Variants in ATXN2 observed in about 807,000 individuals in gnomAD.
ATXN2 encodes ataxin-2.
ATXN2 carries 37 observed loss-of-function variants against 138.6 expected under a neutral mutation model. The observed-to-expected ratio is 0.27, with a 90% CI of 0.21 to 0.35. The LOEUF (loss-of-function observed/expected upper bound fraction) is 0.35. Ranked by LOEUF, ATXN2 falls within the 10% of genes least tolerant of loss-of-function variation. The probability of loss-of-function intolerance (pLI) is 1.00; values close to 1 mark genes in which losing one functional copy is unlikely to be tolerated. For synonymous variants in ATXN2, 549 were observed against 543.7 expected, an observed-to-expected ratio of 1.01 and a Z score of -0.13; for missense variants, 1,216 against 1,480.3, an observed-to-expected ratio of 0.82 and a Z score of 2.93.
chr12:111,598,634 G>A lies in ATXN2; in HGVS notation c.251+150C>T. ...GGCTGCGCCCACCGGCCGAGCCTCGGGGCTCAGGCCCGAGCGAGTCTCCCC... is the reference window on the plus strand; with the variant it reads ...GGCTGCGCCCACCGGCCGAGCCTCGAGGCTCAGGCCCGAGCGAGTCTCCCC... On this transcript the variant is annotated intron_variant, in intron 1 of 24. Transcript: ENST00000673436. This position sits in a 1 kb window ranked among gnomAD's most constrained non-coding sequence, Gnocchi z 4.5. 1 of 938,094 alleles carries A rather than the reference G, an allele frequency of 1.1e-6. No individual in the cohort carries two copies. The highest frequency in any genetic ancestry group is 1.3e-6 in the Non-Finnish European group (1 of 784,654). 58.1% of individuals were successfully genotyped at this position (938,094 alleles called of 1,614,324 possible). A position where few individuals can be genotyped will look rare whatever the true frequency, so the allele number is the denominator to read the frequency against.
chr12:111,454,714 C>T lies in ATXN2; in HGVS notation c.3271-869G>A, dbSNP rs781532128. 5 of 304,612 alleles carry T rather than the reference C, an allele frequency of 1.6e-5. No individual in the cohort carries two copies. The East Asian group carries it at 3.6e-4, about 22-fold the overall frequency. 18.9% of individuals were successfully genotyped at this position (304,612 alleles called of 1,614,324 possible). On this transcript the variant is annotated intron_variant, in intron 23 of 24. Coordinates refer to ENST00000673436, the MANE Select transcript of ATXN2 (RefSeq NM_001372574.1). ...AGCCTTGGATGAAATGCCGTTTTTA[C>T]TCTCACATATTCAAACGGGCACATG...
At chr12:111,510,691 G>T in intron 11 of ATXN2, 109 bp from the exon 12 acceptor site, 3 of 1,018,096 alleles carry the variant, frequency 2.9e-6, no homozygotes, top group Non-Finnish European at 2.9e-6. Flanking sequence ...GTCCTCTCTA[G>T]CCCTTACCCT....
rs755971028 is a variant in ATXN2, at chr12:111,516,257, C to T, written c.1272G>A (p.Pro424=). The T allele has an allele frequency of 4.5e-6, 7 of 1,565,680 alleles. No individual in the cohort carries two copies. Among genetic ancestry groups the T allele is most frequent in the Non-Finnish European group, 6.0e-6 (7 of 1,162,208 alleles). ...LPPRAATPTR[P]PSRPPSRPSR... is the part of the protein sequence containing the mutation. ...ATGGCCGCGAGGGGGGCCTGGAGGG[C>T]GGCCGTGTAGGGGTGGCTGCCCGAG... The change falls in exon 10 of 25, where the codon CCG becomes CCA. Residue 424 remains proline, a synonymous_variant. Transcript: ENST00000673436. This position sits in a 1 kb window ranked among gnomAD's most constrained non-coding sequence, Gnocchi z 5.0.
intron 21 of ATXN2, among the ~76,000 whole-genome samples, chr12:111,464,278 G>A (rs1026274907): frequency 2.0e-5 from 3 of 149,406 alleles, no homozygotes; most frequent in Non-Finnish European, 4.5e-5. Context: ...GTGTGTGTGT[G>A]TGTGTATAAA....
chr12:111,590,853 T>C (rs1268433904), intron 1 of ATXN2, among the ~76,000 whole-genome samples: 1 of 152,130 alleles, frequency 6.6e-6, no homozygotes, highest in Non-Finnish European at 1.5e-5. Context: ...GTATGCTCTT[T>C]ATGAGAATCT....
At chr12:111,478,880 G>A (rs111986425) in intron 18 of ATXN2, among the ~76,000 whole-genome samples, 14 of 151,088 alleles carry the variant, frequency 9.3e-5, no homozygotes, top group African/African-American at 2.9e-4. Context: ...ATGGTGGTGC[G>A]CGCCTGTAAT....
intron 1 of ATXN2, among the ~76,000 whole-genome samples, chr12:111,583,766 CAAAAAAA>C: frequency 1.7e-5 from 1 of 58,120 alleles, no homozygotes; most frequent in African/African-American, 7.0e-5. Flanking sequence ...GACTCCGACT[CAAAAAAA>C]AAAAAAAAAA....
intron 10 of ATXN2, among the ~76,000 whole-genome samples, chr12:111,513,828 G>T (rs1879696583): frequency 6.6e-6 from 1 of 151,936 alleles, no homozygotes; most frequent in African/African-American, 2.4e-5. Context: ...TCAACAATAA[G>T]ATGTCAACTC....
intron 20 of ATXN2, among the ~76,000 whole-genome samples, chr12:111,465,230 C>G (rs1272666926): frequency 6.6e-6 from 1 of 151,192 alleles, no homozygotes; most frequent in Non-Finnish European, 1.5e-5. Flanking sequence ...TTAAATACAC[C>G]TGGAAGGATA....
chr12:111,556,033 G>A, intron 1 of ATXN2, 114 bp from the exon 2 acceptor site: 1 of 841,808 alleles, frequency 1.2e-6, no homozygotes, highest in East Asian at 3.0e-5. Flanking sequence ...TCTGTGGGGA[G>A]AGCTCACCTA....
intron 18 of ATXN2, 61 bp from the exon 19 acceptor site, chr12:111,470,803 C>A: frequency 6.4e-7 from 1 of 1,556,580 alleles, no homozygotes; most frequent in South Asian, 1.1e-5. Context: ...TACATGTGTT[C>A]ACATGGTCTA....
At chr12:111,542,953 T>C (rs1881602404) in intron 5 of ATXN2, among the ~76,000 whole-genome samples, 1 of 152,204 alleles carries the variant, frequency 6.6e-6, no homozygotes, top group Admixed American at 6.5e-5. Flanking sequence ...AGAATTTCTA[T>C]ATACTCTAAA....
intron 1 of ATXN2, among the ~76,000 whole-genome samples, chr12:111,570,511 G>T (rs1240390116): frequency 6.6e-6 from 1 of 151,938 alleles, no homozygotes; most frequent in Non-Finnish European, 1.5e-5. Context: ...TTTCAGTGAG[G>T]ACCCCCTCCA....
chr12:111,592,804 A>AAAAAAAAAAAAAAAAAAAAC, intron 1 of ATXN2, among the ~76,000 whole-genome samples: 1 of 147,622 alleles, frequency 6.8e-6, no homozygotes, highest in Non-Finnish European at 1.5e-5. Flanking sequence ...AAAAAAAAAA[A>AAAAAAAAAAAAAAAAAAAAC]GATAATAGGT....
At chr12:111,463,152 T>C (rs764775183) in intron 21 of ATXN2, among the ~76,000 whole-genome samples, 3 of 152,208 alleles carry the variant, frequency 2.0e-5, no homozygotes, top group Non-Finnish European at 2.9e-5. Context: ...AAAATGTGCC[T>C]AACATAAAAT....
At chr12:111,553,260 A>G (rs1882211699) in intron 3 of ATXN2, among the ~76,000 whole-genome samples, 1 of 152,150 alleles carries the variant, frequency 6.6e-6, no homozygotes, top group Non-Finnish European at 1.5e-5. Flanking sequence ...ACAATCAACT[A>G]CTAACATTAT....
intron 21 of ATXN2, chr12:111,457,661 G>A: frequency 4.2e-6 from 1 of 236,792 alleles, no homozygotes; most frequent in Non-Finnish European, 8.3e-6. Flanking sequence ...GAAGGCATAG[G>A]CAGAAACTAC....
chr12:111,513,878 T>C (rs1879700186), intron 10 of ATXN2, among the ~76,000 whole-genome samples: 1 of 152,126 alleles, frequency 6.6e-6, no homozygotes, highest in African/African-American at 2.4e-5. Context: ...TATGTCTTAT[T>C]TGTAAAGAAA....
At chr12:111,517,499 C>A (rs964875618) in intron 9 of ATXN2, among the ~76,000 whole-genome samples, 1 of 152,256 alleles carries the variant, frequency 6.6e-6, no homozygotes, top group South Asian at 2.1e-4. Flanking sequence ...TCTTTTCCCA[C>A]AAAGTTAGTA....
Sources: gnomAD v4.1 joint callset for allele counts (sites outside exome capture counted in the v4.1 genomes callset) on GRCh38, gnomAD v4.1.1 for gene constraint, Gnocchi (gnomAD v3.1) non-coding constraint, MANE v1.5 for transcripts, NCBI Gene and HGNC (gene_info 2026-07-23, HGNC 2026-07-21) for gene names.